ATXN2: variants seen among roughly 807,000 people sequenced by gnomAD.
The protein encoded by ATXN2 is ataxin 2.
In ATXN2, 37 loss-of-function variants were observed where a neutral mutation model predicts 138.6. That is an observed-to-expected ratio of 0.27 (90% CI 0.21 to 0.35). ATXN2 has a LOEUF of 0.35. Among genes scored for constraint, ATXN2 ranks in the 10% least tolerant of loss-of-function variants. ATXN2 has a pLI of 1.00. For missense variants in ATXN2, 1,216 were observed against 1,480.3 expected (o/e 0.82, Z 2.93); for synonymous variants, 549 against 543.7 (o/e 1.01, Z -0.13).
intron 1 of ATXN2, 76 bp from the exon 2 acceptor site, chr12:111,555,995 T>G: frequency 8.4e-7 from 1 of 1,193,678 alleles, no homozygotes; most frequent in East Asian, 2.7e-5. Flanking sequence ...ACTTAAAATA[T>G]AATTCCATTC....
intron 5 of ATXN2, among the ~76,000 whole-genome samples, chr12:111,550,939 G>A (rs1033915181): frequency 1.3e-5 from 2 of 152,136 alleles, no homozygotes; most frequent in Non-Finnish European, 2.9e-5. Context: ...AAATTGTACT[G>A]AACTACAATT....
At chr12:111,577,297 G>A (rs183632683) in intron 1 of ATXN2, among the ~76,000 whole-genome samples, 95 of 151,832 alleles carry the variant, frequency 6.3e-4, no homozygotes, top group African/African-American at 2.0e-3. Context: ...ACAGAGTCTC[G>A]CTCTGTTGCC....
intron 1 of ATXN2, among the ~76,000 whole-genome samples, chr12:111,577,051 C>T (rs1294155303): frequency 1.3e-5 from 2 of 151,862 alleles, no homozygotes; most frequent in Non-Finnish European, 2.9e-5. Flanking sequence ...AGGTGATCTG[C>T]CCGCCTCGGC....
At position 111,539,652 on chromosome 12, in the gene ATXN2, C is replaced by T. The variant is rs1480541637; in HGVS notation, c.571+12628G>A. On this transcript the variant is annotated intron_variant, in intron 5 of 24. Transcript: ENST00000673436. ...GTCCCAGCTACCCGGGAGGCTGAGGCAGGAGAAAATGGCATGAACCCGGGA... is the reference window on the plus strand; with the variant it reads ...GTCCCAGCTACCCGGGAGGCTGAGGTAGGAGAAAATGGCATGAACCCGGGA... Among the ~76,000 whole-genome samples, 2 of 149,462 alleles carry T rather than the reference C, an allele frequency of 1.3e-5. 1 individual carries two copies. The highest frequency in any genetic ancestry group is 3.0e-5 in the Non-Finnish European group (2 of 66,746).
intron 18 of ATXN2, among the ~76,000 whole-genome samples, chr12:111,478,395 G>A: frequency 6.6e-6 from 1 of 152,000 alleles, no homozygotes; most frequent in Non-Finnish European, 1.5e-5. Flanking sequence ...AATAGAGTGA[G>A]ATTCCATCAA....
intron 1 of ATXN2, among the ~76,000 whole-genome samples, chr12:111,580,916 A>G (rs1883961477): frequency 1.3e-5 from 2 of 152,034 alleles, no homozygotes; most frequent in Non-Finnish European, 2.9e-5. Context: ...AGGCAGGTGG[A>G]TCACCTGAGG....
rs1328562290 is a variant in ATXN2 at position 111,516,166 on chromosome 12, T to C, written c.1363A>G (p.Met455Val). ...PAPVSTMPKRMSSEGPPRMSP... is the reference protein window; with the variant it reads ...PAPVSTMPKRVSSEGPPRMSP... ...TGTGGTATTGTACCTTCTGAAGACA[T>C]GCGTTTAGGCATAGTAGAGACAGGA... Residue 455 changes from methionine to valine, a missense_variant, in exon 10 of 25, where the codon ATG (methionine) becomes GTG (valine). Transcript: ENST00000673436. This position sits in a 1 kb window ranked among gnomAD's most constrained non-coding sequence, Gnocchi z 5.0. The C allele has an allele frequency of 1.9e-6, 3 of 1,597,306 alleles. No homozygotes were observed. The highest frequency in any genetic ancestry group is 1.1e-5 in the South Asian group (1 of 87,828).
At chr12:111,573,930 T>C (rs749729461) in intron 1 of ATXN2, among the ~76,000 whole-genome samples, 19 of 151,578 alleles carry the variant, frequency 1.3e-4, no homozygotes, top group Non-Finnish European at 1.9e-4. Flanking sequence ...GAAATGCTAG[T>C]CTTTATTTTC....
chr12:111,483,072 C>T (rs769211581), intron 18 of ATXN2, among the ~76,000 whole-genome samples: 4 of 151,438 alleles, frequency 2.6e-5, no homozygotes, highest in East Asian at 1.9e-4. Context: ...CTGTAGCCCC[C>T]GCTATCCAGG....
chr12:111,528,073 G>A (rs138430275), intron 5 of ATXN2, among the ~76,000 whole-genome samples: 1 of 152,290 alleles, frequency 6.6e-6, no homozygotes, highest in African/African-American at 2.4e-5. Context: ...CAACAGGACT[G>A]TTCCTTTACG....
At chr12:111,523,711 G>A (rs1880320037) in intron 6 of ATXN2, among the ~76,000 whole-genome samples, 1 of 151,476 alleles carries the variant, frequency 6.6e-6, no homozygotes, top group Non-Finnish European at 1.5e-5. Context: ...GGGTGACAGA[G>A]TGAGACTCCA....
Position 111,599,226 on chromosome 12 carries a change from G to A in ATXN2, c.-192C>T. On this transcript the variant is annotated 5_prime_UTR_variant, in exon 1 of 25. Coordinates refer to ENST00000673436, the MANE Select transcript of ATXN2 (RefSeq NM_001372574.1). ...ACGAAGGGGCGGGGAGGCCCGCCGA[G>A]ACCAAGGAGCCGCCGGGAGCCGGGC... 3 of 1,198,240 alleles carry A rather than the reference G, an allele frequency of 2.5e-6. No homozygotes were observed. The highest frequency in any genetic ancestry group is 3.1e-6 in the Non-Finnish European group (3 of 967,840). The allele number at this position is 1,198,240 out of a possible 1,614,324, so 74.2% of individuals were successfully genotyped here. A position where few individuals can be genotyped will look rare whatever the true frequency, so the allele number is the denominator to read the frequency against.
chr12:111,584,364 A>G (rs1477814829), intron 1 of ATXN2, among the ~76,000 whole-genome samples: 1 of 120,792 alleles, frequency 8.3e-6, no homozygotes, highest in Non-Finnish European at 1.6e-5. Flanking sequence ...CCTTGGTGAC[A>G]GAGACCCTGT....
intron 18 of ATXN2, among the ~76,000 whole-genome samples, chr12:111,472,520 G>C (rs1296156147): frequency 1.3e-5 from 2 of 151,848 alleles, no homozygotes; most frequent in Non-Finnish European, 2.9e-5. Flanking sequence ...ACCTACCTAA[G>C]GCATACACTG....
chr12:111,540,003 A>G (rs916167711), intron 5 of ATXN2, among the ~76,000 whole-genome samples: 2 of 150,370 alleles, frequency 1.3e-5, no homozygotes, highest in African/African-American at 4.8e-5. Flanking sequence ...AGCTGTACAA[A>G]TATCTTTTCT....
At chr12:111,465,645 C>G (rs1342440418) in intron 20 of ATXN2, among the ~76,000 whole-genome samples, 6 of 151,698 alleles carry the variant, frequency 4.0e-5, no homozygotes, top group Admixed American at 6.6e-5. Flanking sequence ...TGGCGCACAC[C>G]TGTAGTCCCA....
At chr12:111,495,522 G>A (rs1274607329) in intron 14 of ATXN2, among the ~76,000 whole-genome samples, 1 of 152,048 alleles carries the variant, frequency 6.6e-6, no homozygotes, top group African/African-American at 2.4e-5. Context: ...ATGATAAAGG[G>A]ATCAATTCGG....
rs1183670919 is a variant in ATXN2 at position 111,470,170 on chromosome 12, G to A, written c.2780C>T (p.Pro927Leu). The A allele has an allele frequency of 1.9e-6, 3 of 1,614,120 alleles. No individual in the cohort carries two copies. The highest frequency in any genetic ancestry group is 1.7e-5 in the Admixed American group (1 of 60,012). Residue 927 changes from proline (P) to leucine (L), a missense_variant, in exon 20 of 25, where the codon CCT (proline) becomes CTT (leucine). Coordinates refer to ENST00000673436, the MANE Select transcript of ATXN2 (RefSeq NM_001372574.1). ...AGTTGCTGAAGAAGATACTAAACCA[G>A]GCTGGGCGTGTGTTGGTGGTGCCAT... ...RMMAPPTHAQPGLVSSSATQY... is the reference protein window; with the variant it reads ...RMMAPPTHAQLGLVSSSATQY...
At chr12:111,537,089 C>G (rs1444533374) in intron 5 of ATXN2, among the ~76,000 whole-genome samples, 2 of 151,724 alleles carry the variant, frequency 1.3e-5, no homozygotes, top group Non-Finnish European at 2.9e-5. Flanking sequence ...CCGGCCCACA[C>G]AAAAACTTTA....
Sources: gnomAD v4.1 joint callset for allele counts (sites outside exome capture counted in the v4.1 genomes callset) on GRCh38, gnomAD v4.1.1 for gene constraint, Gnocchi (gnomAD v3.1) non-coding constraint, MANE v1.5 for transcripts, NCBI Gene and HGNC (gene_info 2026-07-23, HGNC 2026-07-21) for gene names.